Variants in ADAM32 observed in about 807,000 individuals in gnomAD.
ADAM32 encodes disintegrin and metalloproteinase domain-containing protein 32.
In ADAM32, 89 loss-of-function variants were observed where a neutral mutation model predicts 114.9. The ratio of observed to expected loss-of-function variants is 0.77; its 90% confidence interval spans 0.65 to 0.92. The LOEUF (loss-of-function observed/expected upper bound fraction) is 0.92. Ranked by LOEUF, ADAM32 falls within the 40% of genes least tolerant of loss-of-function variation. The probability of loss-of-function intolerance (pLI) is 0.00; values close to 1 mark genes in which losing one functional copy is unlikely to be tolerated. For synonymous variants in ADAM32, 285 were observed against 307.5 expected (o/e 0.93, Z 0.77); for missense variants, 870 against 932.8 (o/e 0.93, Z 0.88).
chr8:39,205,038 C>T (rs1031576876), intron 11 of ADAM32, among the ~76,000 whole-genome samples: 1 of 152,240 alleles, frequency 6.6e-6, no homozygotes, highest in African/African-American at 2.4e-5. Flanking sequence ...TCTGCCCCTA[C>T]TCAGGGGTGC....
chr8:39,185,229 C>T (rs532997771), intron 10 of ADAM32, among the ~76,000 whole-genome samples: 1 of 148,896 alleles, frequency 6.7e-6, no homozygotes, highest in East Asian at 2.0e-4. Context: ...CATGCCATTG[C>T]ACTCCAACCT....
chr8:39,241,108 C>A (rs1455588656), intron 16 of ADAM32, among the ~76,000 whole-genome samples: 1 of 152,182 alleles, frequency 6.6e-6, no homozygotes, highest in Non-Finnish European at 1.5e-5. Context: ...GTCCAAAATC[C>A]AGCAGGGCAG....
At chr8:39,266,536 G>A (rs1456647828) in intron 19 of ADAM32, among the ~76,000 whole-genome samples, 1 of 152,008 alleles carries the variant, frequency 6.6e-6, no homozygotes, top group Non-Finnish European at 1.5e-5. Context: ...TCTTAAAATG[G>A]CTATGCCATC....
At chr8:39,205,262 C>T (rs1290869650) in intron 11 of ADAM32, among the ~76,000 whole-genome samples, 1 of 152,198 alleles carries the variant, frequency 6.6e-6, no homozygotes. Context: ...CCTTGAGCTG[C>T]GGTGGGCTCC....
chr8:39,187,969 C>G (rs1426125420), intron 11 of ADAM32, among the ~76,000 whole-genome samples: 2 of 152,170 alleles, frequency 1.3e-5, no homozygotes, highest in Non-Finnish European at 2.9e-5. Flanking sequence ...AGAACTACAG[C>G]AGGTGTCATT....
intron 11 of ADAM32, among the ~76,000 whole-genome samples, chr8:39,210,128 A>G (rs554708821): frequency 6.6e-6 from 1 of 152,272 alleles, no homozygotes; most frequent in East Asian, 1.9e-4. Flanking sequence ...GGGCAGGTCT[A>G]GAAATCTGTG....
intron 24 of ADAM32, 105 bp downstream of exon 24, chr8:39,283,729 G>T: frequency 7.5e-6 from 6 of 795,128 alleles, no homozygotes; most frequent in East Asian, 3.0e-5. Context: ...TAGATGAATT[G>T]GTAAAGTACT....
At chr8:39,234,217 A>T in intron 16 of ADAM32, 135 bp downstream of exon 16, 1 of 670,790 alleles carries the variant, frequency 1.5e-6, no homozygotes, top group East Asian at 3.4e-5. Flanking sequence ...ATGATCTTAA[A>T]TTAGTCTCCA....
chr8:39,238,535 C>CA (rs1189034314), intron 16 of ADAM32, among the ~76,000 whole-genome samples: 1 of 152,140 alleles, frequency 6.6e-6, no homozygotes, highest in African/African-American at 2.4e-5. Flanking sequence ...ATAACACTCC[C>CA]AAAAGATCAC....
intron 10 of ADAM32, among the ~76,000 whole-genome samples, chr8:39,185,939 G>A (rs368658869): frequency 6.9e-6 from 1 of 143,978 alleles, no homozygotes. Flanking sequence ...TTCCTCTGCT[G>A]GCAAGGGAAG....
At chr8:39,179,243 A>G (rs1265459115) in intron 10 of ADAM32, among the ~76,000 whole-genome samples, 1 of 152,108 alleles carries the variant, frequency 6.6e-6, no homozygotes, top group African/African-American at 2.4e-5. Flanking sequence ...AGCAGGCTAG[A>G]ATGGCCAACT....
intron 10 of ADAM32, among the ~76,000 whole-genome samples, chr8:39,185,861 T>G (rs1265536596): frequency 6.6e-6 from 1 of 151,814 alleles, no homozygotes; most frequent in African/African-American, 2.4e-5. Flanking sequence ...AGACTAATGT[T>G]CCAGCTATCG....
At chr8:39,244,530 C>G (rs752649297) in intron 16 of ADAM32, among the ~76,000 whole-genome samples, 5 of 152,114 alleles carry the variant, frequency 3.3e-5, no homozygotes, top group Non-Finnish European at 5.9e-5. Context: ...ACAAAGCAAA[C>G]AAAAACATAA....
chr8:39,170,361 A>G (rs1805113522), intron 10 of ADAM32, among the ~76,000 whole-genome samples: 1 of 152,146 alleles, frequency 6.6e-6, no homozygotes, highest in Admixed American at 6.5e-5. Flanking sequence ...CAAAATCAAA[A>G]CAAAAACCAG....
chr8:39,202,633 C>T (rs1807504130), intron 11 of ADAM32, among the ~76,000 whole-genome samples: 1 of 152,184 alleles, frequency 6.6e-6, no homozygotes, highest in South Asian at 2.1e-4. Context: ...CTATCTCCTT[C>T]AGTTCTGCTC....
chr8:39,118,217 T>C lies in ADAM32; in HGVS notation c.138+52T>C, dbSNP rs1840457062. The C allele has an allele frequency of 2.7e-6, 3 of 1,098,472 alleles. No homozygotes were observed. In the South Asian group the frequency reaches 5.7e-5, roughly 21 times the overall value. The allele number at this position is 1,098,472 out of a possible 1,614,324, so 68.0% of individuals were successfully genotyped here. ...ATGTTTATATGAAATTTCATATTTT[T>C]ATTATATAGCTATGAAATATGTCAA... On this transcript the variant is annotated intron_variant, in intron 2 of 24. Coordinates refer to ENST00000379907, the MANE Select transcript of ADAM32 (RefSeq NM_145004.7).
chr8:39,279,003 T>A (rs140125854), intron 22 of ADAM32, among the ~76,000 whole-genome samples: 75 of 152,308 alleles, frequency 4.9e-4, no homozygotes, highest in African/African-American at 1.8e-3. Flanking sequence ...CATTATTTAT[T>A]CCCCCCTCAA....
At chr8:39,112,879 G>A (rs1428889654) in intron 1 of ADAM32, among the ~76,000 whole-genome samples, 1 of 152,212 alleles carries the variant, frequency 6.6e-6, no homozygotes, top group African/African-American at 2.4e-5. Flanking sequence ...TATCACATGT[G>A]TTGAATTGAT....
chr8:39,228,409 G>A lies in ADAM32; in HGVS notation c.1526-3618G>A, dbSNP rs185962651. On this transcript the variant is annotated intron_variant, in intron 14 of 24. Coordinates refer to ENST00000379907, the MANE Select transcript of ADAM32 (RefSeq NM_145004.7). ...GGAGGCAATGGAGAAAGGAGAAGCC[G>A]AATGCAAGGAAATCCAAAAAATGAT... Among the ~76,000 whole-genome samples, 36 of 152,238 alleles carry A rather than the reference G, an allele frequency of 2.4e-4. No individual in the cohort carries two copies. The East Asian group carries it at 5.8e-3, about 24-fold the overall frequency.
Sources: allele counts gnomAD v4.1 joint callset (sites outside exome capture counted in the v4.1 genomes callset), GRCh38; gene constraint gnomAD v4.1.1; transcripts MANE v1.5; gene names NCBI Gene and HGNC (gene_info 2026-07-23, HGNC 2026-07-21).